Variants in MAP3K5 observed in about 807,000 individuals in gnomAD.
MAP3K5 encodes mitogen-activated protein kinase kinase kinase 5.
MAP3K5 carries 56 observed loss-of-function variants against 158.7 expected under a neutral mutation model. The ratio of observed to expected loss-of-function variants is 0.35; its 90% confidence interval spans 0.28 to 0.44. MAP3K5 has a LOEUF of 0.44. Ranked by LOEUF, MAP3K5 falls within the 20% of genes least tolerant of loss-of-function variation. The probability of loss-of-function intolerance (pLI) is 1.00; values close to 1 mark genes in which losing one functional copy is unlikely to be tolerated. For missense variants in MAP3K5, 1,294 were observed against 1,674.8 expected (o/e 0.77, Z 3.97); for synonymous variants, 579 against 601.7 (o/e 0.96, Z 0.55).
At chr6:136,668,881 A>G (rs569613699) in intron 8 of MAP3K5, among the ~76,000 whole-genome samples, 1 of 152,262 alleles carries the variant, frequency 6.6e-6, no homozygotes, top group South Asian at 2.1e-4. Flanking sequence ...TGTGCTTGAG[A>G]AACAGATAAA....
chr6:136,765,285 C>T (rs904281962), intron 1 of MAP3K5, among the ~76,000 whole-genome samples: 5 of 152,058 alleles, frequency 3.3e-5, no homozygotes, highest in South Asian at 2.1e-4. Flanking sequence ...TAAGCCTATA[C>T]TTATAAAGCA....
intron 1 of MAP3K5, among the ~76,000 whole-genome samples, chr6:136,748,390 A>G (rs1783053730): frequency 6.6e-6 from 1 of 152,214 alleles, no homozygotes; most frequent in Non-Finnish European, 1.5e-5. Context: ...GGTCATCACC[A>G]AGGTCTGATT....
intron 15 of MAP3K5, among the ~76,000 whole-genome samples, chr6:136,618,350 A>C (rs9389414): frequency 0.043 from 6,516 of 152,330 alleles, 395 homozygotes; most frequent in East Asian, 0.23. Context: ...TGTCAATAAG[A>C]AGATGCCCTG....
chr6:136,745,150 T>G (rs11755123), intron 1 of MAP3K5, among the ~76,000 whole-genome samples: 198 of 91,232 alleles, frequency 2.2e-3, no homozygotes, highest in Middle Eastern at 0.013. Flanking sequence ...AAAGTTTTTT[T>G]TTTTTTTTTT....
At chr6:136,697,429 A>G in intron 4 of MAP3K5, 42 bp from the exon 5 acceptor site, 1 of 1,491,148 alleles carries the variant, frequency 6.7e-7, no homozygotes, top group Non-Finnish European at 9.1e-7. Flanking sequence ...GACATTAGAA[A>G]CAATTTCAAT....
At chr6:136,729,416 A>G (rs9285484) in intron 1 of MAP3K5, among the ~76,000 whole-genome samples, 77,991 of 152,062 alleles carry the variant, frequency 0.51, 20,493 homozygotes, top group African/African-American at 0.63. Context: ...CAAAACTGCT[A>G]TAAGGATTAC....
intron 7 of MAP3K5, among the ~76,000 whole-genome samples, chr6:136,678,038 CTACCCA>C (rs1779778887): frequency 6.6e-6 from 1 of 152,222 alleles, no homozygotes; most frequent in Admixed American, 6.5e-5. Context: ...AGCAGGAACT[CTACCCA>C]GTTCTGCTGG....
chr6:136,657,729 C>T (rs1778812234), intron 9 of MAP3K5, among the ~76,000 whole-genome samples: 1 of 152,146 alleles, frequency 6.6e-6, no homozygotes, highest in South Asian at 2.1e-4. Flanking sequence ...GGCTCTAGGT[C>T]AAGGTCGGCT....
intron 7 of MAP3K5, among the ~76,000 whole-genome samples, chr6:136,692,054 TTTTC>T (rs1231060526): frequency 6.6e-6 from 1 of 151,868 alleles, no homozygotes; most frequent in Non-Finnish European, 1.5e-5. Context: ...AGTTGAGAGT[TTTTC>T]TTTCTTTTTT....
Position 136,629,766 on chromosome 6 carries a change from C to CTTTTATTT in MAP3K5, c.2017-6786_2017-6785insAAATAAAA, listed in dbSNP as rs1252412720. ...ATGGCGCCCGGCCATATCTCACCTT[C>CTTTTATTT]ATTTATTTATTTATTTATTTATTTA... is the stretch of plus-strand genomic sequence containing the variant. On this transcript the variant is annotated intron_variant, in intron 14 of 29. Coordinates refer to ENST00000359015, the MANE Select transcript of MAP3K5 (RefSeq NM_005923.4). 1.4e-3 allele frequency among the ~76,000 whole-genome samples: 201 copies of CTTTTATTT among 148,244 alleles called. 3 individuals are homozygous for CTTTTATTT. The highest frequency in any genetic ancestry group is 5.3e-3 in the East Asian group (27 of 5,076).
At chr6:136,699,561 C>T (rs1363198745) in intron 3 of MAP3K5, among the ~76,000 whole-genome samples, 2 of 152,206 alleles carry the variant, frequency 1.3e-5, no homozygotes, top group Admixed American at 6.5e-5. Flanking sequence ...ACTCTCCCCT[C>T]GCCCACTACA....
chr6:136,600,937 C>T (rs910708113), intron 21 of MAP3K5, 85 bp downstream of exon 21: 1 of 1,392,634 alleles, frequency 7.2e-7, no homozygotes, highest in Non-Finnish European at 1.0e-6. Flanking sequence ...AGGAGCAGAG[C>T]ATGAGGCTAC....
chr6:136,657,393 C>T (rs888936828), intron 9 of MAP3K5, among the ~76,000 whole-genome samples: 3 of 152,116 alleles, frequency 2.0e-5, no homozygotes, highest in Non-Finnish European at 4.4e-5. Context: ...AGTACCATTG[C>T]ATAGAATAGT....
chr6:136,662,458 G>C (rs1779044646), intron 8 of MAP3K5, among the ~76,000 whole-genome samples: 1 of 152,118 alleles, frequency 6.6e-6, no homozygotes, highest in East Asian at 1.9e-4. Context: ...ATGGAGTTAA[G>C]AACATGGCTC....
chr6:136,707,911 T>G (rs182280228), intron 2 of MAP3K5, among the ~76,000 whole-genome samples: 23 of 152,302 alleles, frequency 1.5e-4, no homozygotes, highest in Middle Eastern at 3.4e-3. Context: ...AATGAAGTGA[T>G]AGAGAAGGAT....
chr6:136,650,783 T>C (rs886476091), intron 11 of MAP3K5, among the ~76,000 whole-genome samples: 1 of 152,260 alleles, frequency 6.6e-6, no homozygotes, highest in Non-Finnish European at 1.5e-5. Flanking sequence ...AATAGTTCAA[T>C]TATATTTTAT....
At chr6:136,653,997 C>G (rs1435732505) in intron 10 of MAP3K5, among the ~76,000 whole-genome samples, 4 of 152,164 alleles carry the variant, frequency 2.6e-5, no homozygotes, top group African/African-American at 9.7e-5. Context: ...CACAAAAAGA[C>G]AGACCCCAAA....
chr6:136,719,795 C>T (rs749700346), intron 2 of MAP3K5, among the ~76,000 whole-genome samples: 2 of 152,126 alleles, frequency 1.3e-5, no homozygotes, highest in Non-Finnish European at 2.9e-5. Flanking sequence ...GCTCAGCATG[C>T]GATTCACTGA....
intron 23 of MAP3K5, among the ~76,000 whole-genome samples, chr6:136,590,336 C>T (rs957826128): frequency 3.3e-5 from 5 of 152,128 alleles, no homozygotes; most frequent in African/African-American, 7.2e-5. Flanking sequence ...CCCTAGCAAA[C>T]TATTATACCA....
Sources: gnomAD v4.1 joint callset for allele counts (sites outside exome capture counted in the v4.1 genomes callset) on GRCh38, gnomAD v4.1.1 for gene constraint, MANE v1.5 for transcripts, NCBI Gene and HGNC (gene_info 2026-07-23, HGNC 2026-07-21) for gene names.